ROBO2: variants seen among roughly 807,000 people sequenced by gnomAD.
ROBO2 encodes the protein roundabout guidance receptor 2.
In ROBO2, 53 loss-of-function variants were observed where a neutral mutation model predicts 160.8. That is an observed-to-expected ratio of 0.33 (90% CI 0.26 to 0.41). The LOEUF (loss-of-function observed/expected upper bound fraction) is 0.41, where lower values mean the gene tolerates loss of function less well. ROBO2 is among the 10% of genes least tolerant of loss of function. The pLI, the probability that ROBO2 is intolerant of heterozygous loss-of-function variation, is 1.00. For missense variants in ROBO2, 1,577 were observed against 1,722.4 expected, an observed-to-expected ratio of 0.92 and a Z score of 1.49; for synonymous variants, 664 against 611.7, an observed-to-expected ratio of 1.09 and a Z score of -1.26.
intron 2 of ROBO2, among the ~76,000 whole-genome samples, chr3:76,039,965 T>C (rs1321409083): frequency 3.9e-5 from 6 of 152,040 alleles, no homozygotes; most frequent in African/African-American, 1.5e-4. Context: ...GGCCATATTA[T>C]TGCTGTGTTA....
At chr3:77,246,341 G>GTT (rs1307268731) in intron 2 of ROBO2, among the ~76,000 whole-genome samples, 1 of 151,654 alleles carries the variant, frequency 6.6e-6, no homozygotes, top group Non-Finnish European at 1.5e-5. Context: ...GTGTGTGTGT[G>GTT]TGTGTGTGTG....
chr3:77,360,111 A>C (rs2069716157), intron 2 of ROBO2, among the ~76,000 whole-genome samples: 1 of 152,172 alleles, frequency 6.6e-6, no homozygotes, highest in African/African-American at 2.4e-5. Flanking sequence ...TTAGCACTTA[A>C]AATAATACTC....
exon 14 of ROBO2, chr3:77,574,616 G>A: frequency 6.2e-7 from 1 of 1,613,430 alleles, no homozygotes; most frequent in South Asian, 1.1e-5. Flanking sequence ...TGAACGAAGT[G>A]CTGTCTTAGT....
chr3:76,166,878 CA>C (rs1181136375), intron 2 of ROBO2, among the ~76,000 whole-genome samples: 6 of 152,156 alleles, frequency 3.9e-5, no homozygotes, highest in African/African-American at 1.4e-4. Context: ...CTGACATGTG[CA>C]CTTATTAAGT....
At chr3:76,543,067 C>T (rs2082903203) in intron 2 of ROBO2, among the ~76,000 whole-genome samples, 1 of 152,118 alleles carries the variant, frequency 6.6e-6, no homozygotes, top group Admixed American at 6.6e-5. Context: ...TAACTTCTTA[C>T]TTCATGTTCT....
intron 2 of ROBO2, among the ~76,000 whole-genome samples, chr3:76,040,197 C>A (rs1211542192): frequency 6.6e-6 from 1 of 151,612 alleles, no homozygotes; most frequent in African/African-American, 2.4e-5. Context: ...TTTTTTAAAT[C>A]TTGTTTATAA....
chr3:76,231,740 C>T (rs556801480), intron 2 of ROBO2, among the ~76,000 whole-genome samples: 1 of 152,262 alleles, frequency 6.6e-6, no homozygotes, highest in East Asian at 1.9e-4. Flanking sequence ...ATGAAGCAAT[C>T]TTCTGTATAG....
chr3:76,392,842 C>T (rs544643152), intron 2 of ROBO2, among the ~76,000 whole-genome samples: 2 of 152,226 alleles, frequency 1.3e-5, no homozygotes, highest in South Asian at 4.1e-4. Flanking sequence ...ATCTTCACAA[C>T]AATTTGTCTT....
intron 2 of ROBO2, among the ~76,000 whole-genome samples, chr3:76,440,245 A>AT (rs2076864868): frequency 6.6e-6 from 1 of 151,820 alleles, no homozygotes; most frequent in African/African-American, 2.4e-5. Context: ...TACTTTTTTT[A>AT]TTTTATTTTT....
At chr3:77,090,416 C>T (rs1212110536) in intron 1 of ROBO2, among the ~76,000 whole-genome samples, 3 of 135,998 alleles carry the variant, frequency 2.2e-5, no homozygotes, top group Non-Finnish European at 3.1e-5. Context: ...TGCAGTGGCG[C>T]GATCTCGGCT....
chr3:76,619,147 T>C (rs12497898), intron 2 of ROBO2, among the ~76,000 whole-genome samples: 53,958 of 150,694 alleles, frequency 0.36, 9,875 homozygotes, highest in Middle Eastern at 0.42. Context: ...GAGACCATCC[T>C]GGCTAACACG....
chr3:76,836,436 GT>G (rs11321260), intron 2 of ROBO2, among the ~76,000 whole-genome samples: 18,284 of 136,742 alleles, frequency 0.13, 1,200 homozygotes, highest in East Asian at 0.24. Context: ...TAATTTTTTT[GT>G]TTTTTTTTTT....
chr3:76,279,258 A>C, intron 2 of ROBO2, among the ~76,000 whole-genome samples: 1 of 151,794 alleles, frequency 6.6e-6, no homozygotes, highest in East Asian at 1.9e-4. Flanking sequence ...AACTTTAGGT[A>C]AGATTTTTTT....
chr3:76,780,672 C>T (rs2062585013), intron 2 of ROBO2, among the ~76,000 whole-genome samples: 1 of 150,762 alleles, frequency 6.6e-6, no homozygotes, highest in African/African-American at 2.4e-5. Context: ...TTTCCAACAC[C>T]ATTTACTAAA....
chr3:76,060,976 A>G (rs1338427236), intron 2 of ROBO2, among the ~76,000 whole-genome samples: 4 of 152,304 alleles, frequency 2.6e-5, no homozygotes, highest in Non-Finnish European at 4.4e-5. Context: ...TGTTCTTGCT[A>G]CAGTTTCACC....
intron 2 of ROBO2, among the ~76,000 whole-genome samples, chr3:77,279,926 C>T (rs1346505158): frequency 6.6e-6 from 1 of 152,054 alleles, no homozygotes; most frequent in Admixed American, 6.6e-5. Context: ...GCAAGAATAC[C>T]TTGTGATTAC....
chr3:76,768,054 A>G (rs150157493), intron 2 of ROBO2, among the ~76,000 whole-genome samples: 98 of 151,680 alleles, frequency 6.5e-4, no homozygotes, highest in African/African-American at 2.4e-3. Context: ...ATAGGCATTG[A>G]TAACTTCTTA....
chr3:76,219,151 C>CA (rs1486684805), intron 2 of ROBO2, among the ~76,000 whole-genome samples: 1 of 152,142 alleles, frequency 6.6e-6, no homozygotes, highest in Non-Finnish European at 1.5e-5. Context: ...ACACCTTATA[C>CA]AAAAATTAAT....
At chr3:76,548,785 G>T (rs1056735193) in intron 2 of ROBO2, among the ~76,000 whole-genome samples, 1 of 151,920 alleles carries the variant, frequency 6.6e-6, no homozygotes, top group Non-Finnish European at 1.5e-5. Context: ...AAAGAGGGAC[G>T]CTAATGACAA....
Sources: gnomAD v4.1 joint callset for allele counts (sites outside exome capture counted in the v4.1 genomes callset) on GRCh38, gnomAD v4.1.1 for gene constraint, MANE v1.5 for transcripts, NCBI Gene and HGNC (gene_info 2026-07-23, HGNC 2026-07-21) for gene names.